Variants in ZNF831 observed in about 807,000 individuals in gnomAD.
ZNF831 encodes the protein chromosome 20 open reading frame 174.
Under a neutral mutation model 95.8 loss-of-function variants are expected in ZNF831, and 59 were observed. The ratio of observed to expected loss-of-function variants is 0.62; its 90% CI spans 0.50 to 0.77. ZNF831 has a LOEUF of 0.77. Among genes scored for constraint, ZNF831 ranks in the 30% least tolerant of loss-of-function variants. The pLI is 0.00. For missense variants in ZNF831, 2,205 were observed against 2,164.0 expected (o/e 1.02, Z -0.38); for synonymous variants, 961 against 925.5 (o/e 1.04, Z -0.70).
At chr20:59,139,000 T>G (rs1163857453) in intron 1 of ZNF831, among the ~76,000 whole-genome samples, 1 of 152,214 alleles carries the variant, frequency 6.6e-6, no homozygotes, top group Non-Finnish European at 1.5e-5. Flanking sequence ...CTTTCAATTC[T>G]GTTTCCTTCT....
chr20:59,246,644 C>T (rs182691348), intron 4 of ZNF831, among the ~76,000 whole-genome samples: 162 of 152,264 alleles, frequency 1.1e-3, no homozygotes, highest in Non-Finnish European at 1.8e-3. Flanking sequence ...CACCGCTTTG[C>T]ACTGAATTCA....
intron 4 of ZNF831, among the ~76,000 whole-genome samples, chr20:59,240,629 G>A (rs993270407): frequency 1.3e-5 from 2 of 151,730 alleles, no homozygotes; most frequent in Admixed American, 6.6e-5. Flanking sequence ...GTGAAACCCC[G>A]TCTCTACTAA....
chr20:59,130,115 C>T (rs80306375), intron 1 of ZNF831, among the ~76,000 whole-genome samples: 21 of 152,208 alleles, frequency 1.4e-4, no homozygotes, highest in African/African-American at 5.1e-4. Flanking sequence ...ACAGCCTTGA[C>T]GATGGGATTC....
intron 1 of ZNF831, among the ~76,000 whole-genome samples, chr20:59,181,437 A>T (rs146085428): frequency 0.083 from 12,609 of 152,200 alleles, 720 homozygotes; most frequent in Non-Finnish European, 0.12. Flanking sequence ...TTAGTCATAA[A>T]GTCTTTGCCC....
intron 1 of ZNF831, among the ~76,000 whole-genome samples, chr20:59,168,829 C>T (rs563083739): frequency 6.6e-6 from 1 of 152,166 alleles, no homozygotes; most frequent in Admixed American, 6.6e-5. Flanking sequence ...GCGTTTTCTA[C>T]ATCAATTGAT....
chr20:59,129,851 A>G (rs1337704825), intron 1 of ZNF831, among the ~76,000 whole-genome samples: 2 of 152,166 alleles, frequency 1.3e-5, no homozygotes, highest in Admixed American at 1.3e-4. Flanking sequence ...CCTGTATGTT[A>G]TTGGTGCATC....
At chr20:59,229,754 G>A (rs986170834) in intron 4 of ZNF831, among the ~76,000 whole-genome samples, 1 of 152,008 alleles carries the variant, frequency 6.6e-6, no homozygotes, top group Non-Finnish European at 1.5e-5. Context: ...AATTTTTTGG[G>A]TGGCATGATC....
At chr20:59,163,799 A>T (rs1981036355), upstream of ZNF831, among the ~76,000 whole-genome samples, 1 of 151,306 alleles carries the variant, frequency 6.6e-6, no homozygotes, top group African/African-American at 2.4e-5. Context: ...ATAGGAAATA[A>T]TTTACTTCCT....
chr20:59,244,026 A>G (rs1987471731), intron 4 of ZNF831, among the ~76,000 whole-genome samples: 1 of 152,086 alleles, frequency 6.6e-6, no homozygotes, highest in African/African-American at 2.4e-5. Context: ...TCTGGGCATG[A>G]TTAAAGTTTT....
intron 1 of ZNF831, among the ~76,000 whole-genome samples, chr20:59,125,498 C>T (rs1046699610): frequency 6.6e-5 from 10 of 152,122 alleles, no homozygotes; most frequent in South Asian, 2.1e-4. Context: ...CCAGGCACTT[C>T]GTGTGCATAC....
At chr20:59,134,183 G>C (rs1482254301) in intron 1 of ZNF831, among the ~76,000 whole-genome samples, 1 of 152,228 alleles carries the variant, frequency 6.6e-6, no homozygotes, top group Non-Finnish European at 1.5e-5. Context: ...AGTGGCTGTA[G>C]CAGCCAGCAG....
In ZNF831 at chr20:59,137,800, G is replaced by A. The variant is rs909723592; in HGVS notation, c.-1424-8431G>A. ...CTGGGGCACAGCTGTGTTATTCTAAGATAGGCCTACTCTGACCCTGTGTCA... is the reference window on the plus strand; with the variant it reads ...CTGGGGCACAGCTGTGTTATTCTAAAATAGGCCTACTCTGACCCTGTGTCA... On this transcript the variant is annotated intron_variant, in intron 1 of 7. Coordinates refer to the ZNF831 transcript ENST00000637017. 1.1e-4 allele frequency among the ~76,000 whole-genome samples: 16 copies of A among 152,276 alleles called. 1 individual carries two copies. Among genetic ancestry groups the A allele is most frequent in the South Asian group, 8.3e-4 (4 of 4,818 alleles).
In ZNF831 at chr20:59,191,162, T is replaced by A. The variant is rs2146543526; in HGVS notation, c.143T>A (p.Leu48Gln). The A allele has an allele frequency of 6.2e-7, 1 of 1,602,368 alleles. No individual in the cohort carries two copies. The change falls in exon 2 of 6, where the codon CTG (leucine) becomes CAG (glutamine). Residue 48 changes from leucine (L) to glutamine (Q), a missense_variant. Leu to Gln is a moderately radical substitution (Grantham distance 113). Transcript: ENST00000371030. ...GTCCTTCTGCCGCCAGAGCAGGGCC[T>A]GGCCCCCCCCACTGTGTTCCTGAAG... Reference protein sequence around the residue: ...GPVLLPPEQGLAPPTVFLKAL... With the variant: ...GPVLLPPEQGQAPPTVFLKAL...
chr20:59,205,293 CA>C (rs909118135), intron 3 of ZNF831, among the ~76,000 whole-genome samples: 8 of 152,276 alleles, frequency 5.3e-5, no homozygotes, highest in African/African-American at 1.9e-4. Flanking sequence ...GGATTTGGTT[CA>C]GGGGTTTGTC....
intron 4 of ZNF831, among the ~76,000 whole-genome samples, chr20:59,207,643 G>A (rs775528870): frequency 1.2e-4 from 19 of 152,194 alleles, no homozygotes; most frequent in Non-Finnish European, 1.2e-4. Context: ...CTGGGCAACC[G>A]GGGCAAATGG....
intron 1 of ZNF831, among the ~76,000 whole-genome samples, chr20:59,174,198 C>T (rs1981963453): frequency 6.6e-6 from 1 of 152,092 alleles, no homozygotes; most frequent in South Asian, 2.1e-4. Context: ...TGTGTGTGGA[C>T]TCCTGGCCAC....
chr20:59,129,523 T>C (rs1465694199), intron 1 of ZNF831, among the ~76,000 whole-genome samples: 1 of 152,140 alleles, frequency 6.6e-6, no homozygotes, highest in Non-Finnish European at 1.5e-5. Flanking sequence ...CTCAGGAGGC[T>C]GAGGCAGGAG....
At chr20:59,143,702 C>T (rs1234623505) in intron 1 of ZNF831, among the ~76,000 whole-genome samples, 1 of 152,218 alleles carries the variant, frequency 6.6e-6, no homozygotes, top group Non-Finnish European at 1.5e-5. Flanking sequence ...TTCTTAAAGG[C>T]TGGATGGTTG....
At position 59,194,396 on chromosome 20, in the gene ZNF831, C is replaced by A; in HGVS notation, c.3377C>A (p.Ser1126Tyr). Residue 1126 changes from serine (S) to tyrosine (Y), a missense_variant, in exon 2 of 6, where the codon TCC (serine) becomes TAC (tyrosine). Physicochemically the swap from Ser to Tyr is moderately radical, Grantham distance 144 (BLOSUM62 -2). Coordinates refer to ENST00000371030, the MANE Select transcript of ZNF831 (RefSeq NM_178457.3). The stretch of plus-strand genomic sequence containing the variant: ...CCCCTGGTGGGCCCCGACCCGTGTT[C>A]CCCCCTCCAGCCTGGCTCCTTCCTC... ...SGPLVGPDPC[S>Y]PLQPGSFLTA... The A allele has an allele frequency of 6.2e-7, 1 of 1,609,254 alleles. No homozygotes were observed. Among genetic ancestry groups the A allele is most frequent in the Non-Finnish European group, 8.5e-7 (1 of 1,177,842 alleles).
Sources: allele counts gnomAD v4.1 joint callset (sites outside exome capture counted in the v4.1 genomes callset), GRCh38; gene constraint gnomAD v4.1.1; transcripts MANE v1.5; gene names NCBI Gene and HGNC (gene_info 2026-07-23, HGNC 2026-07-21).